FBXO42: variants seen among roughly 807,000 people sequenced by gnomAD.
FBXO42 encodes the protein F-box protein 42.
A neutral mutation model predicts 71.7 loss-of-function variants in FBXO42; 12 were observed. The ratio of observed to expected loss-of-function variants is 0.17; its 90% CI spans 0.11 to 0.27. The LOEUF is 0.27. FBXO42 is among the 10% of genes least tolerant of loss of function. The probability of loss-of-function intolerance (pLI) is 1.00; values close to 1 mark genes in which losing one functional copy is unlikely to be tolerated. For missense variants in FBXO42, 707 were observed against 911.9 expected, an observed-to-expected ratio of 0.78 and a Z score of 2.89; for synonymous variants, 325 against 327.5, an observed-to-expected ratio of 0.99 and a Z score of 0.08.
intron 4 of FBXO42, among the ~76,000 whole-genome samples, chr1:16,275,667 A>G (rs1359938094): frequency 1.3e-5 from 2 of 152,192 alleles, no homozygotes; most frequent in Non-Finnish European, 2.9e-5. Context: ...CCATAGTTCA[A>G]GAGTTCATCT....
intron 3 of FBXO42, among the ~76,000 whole-genome samples, chr1:16,295,785 C>T (rs2082123739): frequency 6.6e-6 from 1 of 152,026 alleles, no homozygotes; most frequent in South Asian, 2.1e-4. Context: ...TGAAGAAATA[C>T]AGTTTTTATT....
chr1:16,317,018 C>G (rs192310792), intron 1 of FBXO42, among the ~76,000 whole-genome samples: 1 of 152,174 alleles, frequency 6.6e-6, no homozygotes. Context: ...CAGTGGCTCA[C>G]GCCTGTAATC....
At chr1:16,287,312 TTCTC>T (rs61145990) in intron 4 of FBXO42, among the ~76,000 whole-genome samples, 4,044 of 152,328 alleles carry the variant, frequency 0.027, 182 homozygotes, top group African/African-American at 0.09. Context: ...TAATGTCGCC[TTCTC>T]TCTGATTCTC....
chr1:16,266,017 G>A (rs1038110293), intron 4 of FBXO42, among the ~76,000 whole-genome samples: 4 of 151,924 alleles, frequency 2.6e-5, no homozygotes, highest in African/African-American at 7.3e-5. Context: ...CAGACTTTTG[G>A]GGAGAAACTG....
intron 4 of FBXO42, among the ~76,000 whole-genome samples, chr1:16,289,496 A>C (rs1569866191): frequency 6.6e-6 from 1 of 151,830 alleles, no homozygotes; most frequent in East Asian, 1.9e-4. Flanking sequence ...GTCTGTGAAT[A>C]AGCTTGCTCC....
chr1:16,305,705 C>T, intron 3 of FBXO42, 98 bp downstream of exon 3: 1 of 1,016,712 alleles, frequency 9.8e-7, no homozygotes, highest in Non-Finnish European at 1.6e-6. Context: ...TAGAGTGAGA[C>T]CTTGTCTCAA....
At chr1:16,281,802 G>T (rs1183400408) in intron 4 of FBXO42, among the ~76,000 whole-genome samples, 1 of 151,676 alleles carries the variant, frequency 6.6e-6, no homozygotes, top group African/African-American at 2.4e-5. Context: ...GATTACAGGC[G>T]CACATCACCA....
At chr1:16,316,849 G>A (rs1379068165) in intron 1 of FBXO42, among the ~76,000 whole-genome samples, 3 of 151,904 alleles carry the variant, frequency 2.0e-5, no homozygotes, top group Non-Finnish European at 4.4e-5. Flanking sequence ...AGAGATCCAG[G>A]CAGTAAAAAA....
At chr1:16,287,975 T>C (rs1045783670) in intron 4 of FBXO42, among the ~76,000 whole-genome samples, 8 of 152,172 alleles carry the variant, frequency 5.3e-5, no homozygotes, top group African/African-American at 1.9e-4. Context: ...TGAAACCCTG[T>C]CTCTACTAAA....
chr1:16,310,507 G>T (rs1259284779), intron 2 of FBXO42, among the ~76,000 whole-genome samples: 1 of 152,076 alleles, frequency 6.6e-6, no homozygotes, highest in Non-Finnish European at 1.5e-5. Flanking sequence ...CTCCAGCGTG[G>T]GTGACAAAGC....
chr1:16,315,693 G>A (rs945724390), intron 1 of FBXO42, among the ~76,000 whole-genome samples: 4 of 151,984 alleles, frequency 2.6e-5, no homozygotes, highest in Non-Finnish European at 4.4e-5. Context: ...TGGTATAATC[G>A]TAAACCAGAA....
chr1:16,305,830 T>C lies in FBXO42; in HGVS notation c.340A>G (p.Thr114Ala). 1 of 1,613,994 alleles carries C rather than the reference T, an allele frequency of 6.2e-7. No individual in the cohort carries two copies. Among genetic ancestry groups the C allele is most frequent in the South Asian group, 1.1e-5 (1 of 91,082 alleles). The change falls in exon 3 of 10, where the codon ACC (threonine) becomes GCC (alanine). Residue 114 changes from threonine (T) to alanine (A), a missense_variant. By Grantham distance (58) the Thr-to-Ala change is moderately conservative (BLOSUM62 0). Around this residue, in one of 5 missense-constraint regions of FBXO42, gnomAD observed 188 missense variants for 230.5 expected, o/e 0.82. Transcript: ENST00000375592. ...WESRTYPYPG[T>A]PITQRFSHSA... is the part of the protein sequence containing the mutation. ...TGCGAGAAGCGCTGAGTGATTGGGG[T>C]TCCAGGATAAGGATAGGTACGGCTC...
intron 3 of FBXO42, among the ~76,000 whole-genome samples, chr1:16,295,908 T>C (rs1270897091): frequency 6.6e-6 from 1 of 152,166 alleles, no homozygotes; most frequent in South Asian, 2.1e-4. Context: ...ATCCAAGAGC[T>C]ACCAAGGCAT....
chr1:16,255,337 CTT>C (rs35405854), intron 6 of FBXO42, among the ~76,000 whole-genome samples: 95 of 144,864 alleles, frequency 6.6e-4, no homozygotes, highest in Middle Eastern at 3.7e-3. Flanking sequence ...CCCTAACTTA[CTT>C]TTTTTTTTTT....
At position 16,294,934 on chromosome 1, in the gene FBXO42, C is replaced by T; in HGVS notation, c.368-17G>A. ...AGCATGCACCTAGAAAGAAAATACA[C>T]AAATAACTGCTGTGAAAATTCTGAG... is the stretch of plus-strand genomic sequence containing the variant. On this transcript the variant is annotated splice_polypyrimidine_tract_variant and intron_variant, in intron 3 of 9. Transcript: ENST00000375592. 1 of 1,569,710 alleles carries T rather than the reference C, an allele frequency of 6.4e-7. No homozygotes were observed. The highest frequency in any genetic ancestry group is 8.7e-7 in the Non-Finnish European group (1 of 1,155,382).
chr1:16,337,354 G>C (rs1322686414), intron 1 of FBXO42, among the ~76,000 whole-genome samples: 1 of 152,020 alleles, frequency 6.6e-6, no homozygotes, highest in Non-Finnish European at 1.5e-5. Flanking sequence ...GGAATCAACA[G>C]GTATTGAGAA....
intron 4 of FBXO42, among the ~76,000 whole-genome samples, chr1:16,273,199 A>T (rs2081864026): frequency 6.6e-6 from 1 of 152,222 alleles, no homozygotes; most frequent in Non-Finnish European, 1.5e-5. Context: ...AGCAAGTGAC[A>T]GGGCTCAAAT....
intron 4 of FBXO42, among the ~76,000 whole-genome samples, chr1:16,258,567 G>C (rs1044280634): frequency 6.6e-6 from 1 of 152,032 alleles, no homozygotes; most frequent in African/African-American, 2.4e-5. Flanking sequence ...GCATTGCCCA[G>C]ACTGGTCTCG....
intron 4 of FBXO42, among the ~76,000 whole-genome samples, chr1:16,268,775 C>T (rs575384553): frequency 6.6e-6 from 1 of 152,034 alleles, no homozygotes; most frequent in African/African-American, 2.4e-5. Context: ...ATCAGCCTGA[C>T]CAACATGGAG....
Sources: allele counts gnomAD v4.1 joint callset (sites outside exome capture counted in the v4.1 genomes callset), GRCh38; gene constraint gnomAD v4.1.1; regional missense constraint gnomAD v4.1.1; transcripts MANE v1.5; gene names NCBI Gene and HGNC (gene_info 2026-07-23, HGNC 2026-07-21).